Variants in NFIB observed in about 807,000 individuals in gnomAD.
NFIB encodes nuclear factor I B.
In NFIB, 11 loss-of-function variants were observed where a neutral mutation model predicts 61.5. The ratio of observed to expected loss-of-function variants is 0.18; its 90% confidence interval spans 0.11 to 0.30. The LOEUF is 0.30. Among genes scored for constraint, NFIB ranks in the 10% least tolerant of loss-of-function variants. NFIB has a pLI of 1.00. For synonymous variants in NFIB, 260 were observed against 216.5 expected, an observed-to-expected ratio of 1.20 and a Z score of -1.76; for missense variants, 471 against 608.9, an observed-to-expected ratio of 0.77 and a Z score of 2.38.
intron 2 of NFIB, among the ~76,000 whole-genome samples, chr9:14,194,479 C>T (rs558365227): frequency 1.4e-4 from 22 of 151,972 alleles, no homozygotes; most frequent in African/African-American, 5.3e-4. Context: ...GATAGGAAAA[C>T]GAATCCAACT....
At chr9:14,454,041 C>T in the NFIB span, among the ~76,000 whole-genome samples, 2 of 152,178 alleles carry the variant, frequency 1.3e-5, no homozygotes, top group Admixed American at 1.3e-4. Context: ...TGCACTCCAG[C>T]CTGGTGACAG....
the NFIB span, among the ~76,000 whole-genome samples, chr9:14,477,950 T>G: frequency 6.6e-6 from 1 of 152,144 alleles, no homozygotes; most frequent in East Asian, 1.9e-4. Context: ...GATGAACAGC[T>G]TGAACCACCC....
At chr9:14,314,280 G>GGCA (rs935933945), upstream of NFIB, 6 of 469,018 alleles carry the variant, frequency 1.3e-5, no homozygotes, top group South Asian at 1.8e-4. Context: ...CGTGGTCCCC[G>GGCA]GCAGCAGCAG....
chr9:14,524,508 T>C, the NFIB span, among the ~76,000 whole-genome samples: 2 of 152,166 alleles, frequency 1.3e-5, no homozygotes, highest in Non-Finnish European at 2.9e-5. Context: ...ATTAAGAGTC[T>C]TTTGTGGTAC....
intron 10 of NFIB, chr9:14,094,105 A>C (rs1217767110): frequency 6.6e-6 from 1 of 152,058 alleles, no homozygotes; most frequent in Admixed American, 6.6e-5. Context: ...ATTGCTATTA[A>C]ATTGTAGAAG....
intron 2 of NFIB, among the ~76,000 whole-genome samples, chr9:14,282,058 T>C (rs755996289): frequency 3.3e-5 from 5 of 152,230 alleles, no homozygotes; most frequent in Non-Finnish European, 7.3e-5. Flanking sequence ...CACAGCTCTG[T>C]CTACTCAGGG....
chr9:14,431,282 C>CTT, the NFIB span, among the ~76,000 whole-genome samples: 4 of 152,148 alleles, frequency 2.6e-5, no homozygotes, highest in Non-Finnish European at 1.5e-5. Context: ...GGACTGCAAA[C>CTT]TTGGACATGG....
At chr9:14,530,413 G>GGGGA in the NFIB span, among the ~76,000 whole-genome samples, 2 of 149,538 alleles carry the variant, frequency 1.3e-5, no homozygotes, top group African/African-American at 4.9e-5. Context: ...AAAGAGAGAG[G>GGGGA]GAGAGAGAGA....
intron 2 of NFIB, among the ~76,000 whole-genome samples, chr9:14,241,650 C>T (rs1264122269): frequency 6.6e-6 from 1 of 152,092 alleles, no homozygotes; most frequent in South Asian, 2.1e-4. Flanking sequence ...AATGTAGATA[C>T]ATAAGCTACT....
chr9:14,495,392 T>A, the NFIB span, among the ~76,000 whole-genome samples: 1 of 150,508 alleles, frequency 6.6e-6, no homozygotes, highest in Non-Finnish European at 1.5e-5. Flanking sequence ...GCAGAGCTAC[T>A]CCGTGCTTTT....
At chr9:14,254,387 C>T (rs1351190765) in intron 2 of NFIB, among the ~76,000 whole-genome samples, 1 of 152,152 alleles carries the variant, frequency 6.6e-6, no homozygotes, top group Non-Finnish European at 1.5e-5. Flanking sequence ...TGAGCTCCTC[C>T]ACTGCATCTC....
chr9:14,260,299 T>C (rs1258258883), intron 2 of NFIB, among the ~76,000 whole-genome samples: 6 of 152,202 alleles, frequency 3.9e-5, no homozygotes, highest in Non-Finnish European at 7.3e-5. Context: ...AGAGGCTGAA[T>C]ATGTATAAAT....
At chr9:14,167,080 TGTCG>T (rs796404528) in intron 3 of NFIB, among the ~76,000 whole-genome samples, 1 of 46,150 alleles carries the variant, frequency 2.2e-5, no homozygotes, top group Non-Finnish European at 4.4e-5. Context: ...TGTGTGTGTG[TGTCG>T]GGGGGGGGGG....
At chr9:14,190,135 T>C (rs563459374) in intron 2 of NFIB, among the ~76,000 whole-genome samples, 14 of 152,204 alleles carry the variant, frequency 9.2e-5, no homozygotes, top group Non-Finnish European at 1.9e-4. Context: ...TATGTTTATA[T>C]CCTTATGTGA....
At position 14,084,092 on chromosome 9, in the gene NFIB, A is replaced by G. The variant is rs1325393448; in HGVS notation, c.*4217T>C. 2 of 205,888 alleles carry G rather than the reference A, an allele frequency of 9.7e-6. No homozygotes were observed. Among genetic ancestry groups the G allele is most frequent in the Non-Finnish European group, 2.0e-5 (2 of 100,700 alleles). The allele number at this position is 205,888 out of a possible 1,614,324, so 12.8% of individuals were successfully genotyped here. On this transcript the variant is annotated 3_prime_UTR_variant, in exon 11 of 11. Transcript: ENST00000380953. ...CACTTTTTTAAAGGATTAGTATCCT[A>G]TGCTTTTCAAGCACAGGAATCTGTG...
intron 10 of NFIB, among the ~76,000 whole-genome samples, chr9:14,104,397 G>A (rs2036239380): frequency 6.6e-6 from 1 of 151,766 alleles, no homozygotes. Context: ...CAAATTTAGT[G>A]TGATGGGGCA....
At chr9:14,114,027 G>C (rs898539556) in intron 9 of NFIB, among the ~76,000 whole-genome samples, 1 of 152,044 alleles carries the variant, frequency 6.6e-6, no homozygotes, top group Non-Finnish European at 1.5e-5. Flanking sequence ...TACCTTTATT[G>C]TTCTGAAGAA....
At chr9:14,275,155 G>C (rs370181569) in intron 2 of NFIB, among the ~76,000 whole-genome samples, 2 of 152,144 alleles carry the variant, frequency 1.3e-5, no homozygotes, top group South Asian at 4.1e-4. Flanking sequence ...CCTTGCTCTT[G>C]TTACTTCTGA....
chr9:14,169,254 C>T (rs1018090583), intron 3 of NFIB, among the ~76,000 whole-genome samples: 1 of 152,062 alleles, frequency 6.6e-6, no homozygotes, highest in Non-Finnish European at 1.5e-5. Flanking sequence ...ATCTGAAAGT[C>T]AAGTGGTTTT....
Sources: gnomAD v4.1 joint callset for allele counts (sites outside exome capture counted in the v4.1 genomes callset) on GRCh38, gnomAD v4.1.1 for gene constraint, MANE v1.5 for transcripts, NCBI Gene and HGNC (gene_info 2026-07-23, HGNC 2026-07-21) for gene names.